RNF121: variants seen among roughly 807,000 people sequenced by gnomAD.
The protein encoded by RNF121 is ring finger protein 121.
In RNF121, 21 loss-of-function variants were observed where a neutral mutation model predicts 46.5. That is an observed-to-expected ratio of 0.45 (90% CI 0.32 to 0.65). RNF121 has a LOEUF of 0.65. RNF121 is among the 30% of genes least tolerant of loss of function. The pLI, the probability that RNF121 is intolerant of heterozygous loss-of-function variation, is 0.04. For synonymous variants in RNF121, 139 were observed against 144.7 expected, an observed-to-expected ratio of 0.96 and a Z score of 0.28; for missense variants, 346 against 416.0, an observed-to-expected ratio of 0.83 and a Z score of 1.46.
At chr11:71,981,874 A>G (rs1277402466) in intron 3 of RNF121, among the ~76,000 whole-genome samples, 2 of 152,242 alleles carry the variant, frequency 1.3e-5, no homozygotes, top group African/African-American at 2.4e-5. Flanking sequence ...ACATACAGGT[A>G]GAGAATGAAT....
At chr11:71,996,143 A>G (rs1254708949) in intron 8 of RNF121, 52 bp from the exon 9 acceptor site, 8 of 1,608,544 alleles carry the variant, frequency 5.0e-6, no homozygotes, top group Non-Finnish European at 5.9e-6. Flanking sequence ...CCCATGCTAG[A>G]TCACTCCTGG....
At chr11:71,940,637 T>A (rs1235603069) in intron 1 of RNF121, among the ~76,000 whole-genome samples, 1 of 152,222 alleles carries the variant, frequency 6.6e-6, no homozygotes, top group South Asian at 2.1e-4. Flanking sequence ...TCACCAATTA[T>A]TGAGTTCTGA....
intron 1 of RNF121, among the ~76,000 whole-genome samples, chr11:71,938,315 T>TA (rs1953472352): frequency 2.0e-4 from 1 of 4,920 alleles, no homozygotes; most frequent in African/African-American, 6.1e-4. Flanking sequence ...AGTCTCTTAA[T>TA]TTTTTTTTTT....
intron 1 of RNF121, among the ~76,000 whole-genome samples, chr11:71,956,196 A>ATGGT (rs1350063294): frequency 6.6e-6 from 1 of 152,168 alleles, no homozygotes; most frequent in African/African-American, 2.4e-5. Flanking sequence ...TACTAAAGGA[A>ATGGT]TGGTTGTTGA....
rs1954947172 is a variant in RNF121 at position 71,995,055 on chromosome 11, GA to G, written c.761+204del. 2.6e-5 allele frequency among the ~76,000 whole-genome samples: 4 copies of G among 152,224 alleles called. No individual in the cohort carries two copies. In the South Asian group the frequency reaches 8.3e-4, roughly 31 times the overall value. On this transcript the variant is annotated intron_variant, in intron 7 of 8. Coordinates refer to ENST00000361756, the MANE Select transcript of RNF121 (RefSeq NM_018320.5). ...CAGTGGTTACAACCTGGCTGGGTCT[GA>G]GAGGAACCTGAGGCTGCAGCTAGTG...
At chr11:71,995,126 A>G (rs1038403239) in intron 7 of RNF121, 11 of 564,800 alleles carry the variant, frequency 1.9e-5, no homozygotes, top group African/African-American at 1.7e-4. Context: ...ACAGGGGAAG[A>G]GGACCCTCTA....
At chr11:71,954,537 G>A (rs1306566612) in intron 1 of RNF121, among the ~76,000 whole-genome samples, 1 of 152,152 alleles carries the variant, frequency 6.6e-6, no homozygotes, top group East Asian at 1.9e-4. Context: ...CAGGAGGAAA[G>A]GCAGTGAAAT....
chr11:71,989,847 T>C (rs1459099525), intron 5 of RNF121, among the ~76,000 whole-genome samples: 1 of 152,216 alleles, frequency 6.6e-6, no homozygotes, highest in East Asian at 1.9e-4. Context: ...TATTTACTAA[T>C]TTTATCTTTT....
At chr11:71,982,651 TA>T in intron 3 of RNF121, 109 bp from the exon 4 acceptor site, 1 of 1,241,156 alleles carries the variant, frequency 8.1e-7, no homozygotes, top group Non-Finnish European at 1.1e-6. Context: ...TCCAAAGTTG[TA>T]AATACAGGAG....
intron 3 of RNF121, among the ~76,000 whole-genome samples, chr11:71,963,863 G>A (rs1436282901): frequency 1.1e-4 from 17 of 152,230 alleles, no homozygotes; most frequent in South Asian, 4.1e-4. Flanking sequence ...GTTTTATTCC[G>A]TTGATCTATA....
At chr11:71,929,284 C>T (rs1218462817) in intron 1 of RNF121, among the ~76,000 whole-genome samples, 160 bp downstream of exon 1, 2 of 151,244 alleles carry the variant, frequency 1.3e-5, no homozygotes, top group Non-Finnish European at 2.9e-5. Context: ...AGAGGCACTC[C>T]TGACTTGGGG....
intron 1 of RNF121, among the ~76,000 whole-genome samples, chr11:71,937,155 C>G (rs1013322491): frequency 3.3e-5 from 5 of 152,194 alleles, no homozygotes; most frequent in African/African-American, 1.2e-4. Flanking sequence ...GCGCCCTGTA[C>G]AGATTTCCGT....
chr11:71,943,542 T>A (rs1366057739), intron 1 of RNF121, among the ~76,000 whole-genome samples: 1 of 152,238 alleles, frequency 6.6e-6, no homozygotes, highest in Admixed American at 6.5e-5. Context: ...GTTTATTGAT[T>A]GGTCACATAC....
chr11:71,983,495 C>T (rs1262525513), intron 4 of RNF121, among the ~76,000 whole-genome samples: 41 of 152,230 alleles, frequency 2.7e-4, no homozygotes, highest in Admixed American at 2.7e-3. Context: ...ATACTTCCTT[C>T]TTGAGTCACA....
chr11:71,956,601 C>G (rs1288643200), intron 1 of RNF121, among the ~76,000 whole-genome samples: 1 of 152,198 alleles, frequency 6.6e-6, no homozygotes, highest in Non-Finnish European at 1.5e-5. Flanking sequence ...TCAGTTTGCC[C>G]AGGTCCAGTG....
At position 71,957,269 on chromosome 11, in the gene RNF121, G is replaced by C; in HGVS notation, c.101+5G>C. ...CTCTCCAGAAGAGCAATGGAGGTAA[G>C]TGTGGTAGTTCGGGCCCTGCAGTCT... On this transcript the variant is annotated splice_donor_5th_base_variant and intron_variant, in intron 2 of 8. Transcript: ENST00000361756. The C allele has an allele frequency of 6.3e-7, 1 of 1,588,680 alleles. No individual in the cohort carries two copies. The highest frequency in any genetic ancestry group is 8.6e-7 in the Non-Finnish European group (1 of 1,156,974).
At chr11:71,986,083 C>G (rs1209070519) in intron 4 of RNF121, among the ~76,000 whole-genome samples, 2 of 152,224 alleles carry the variant, frequency 1.3e-5, no homozygotes, top group Admixed American at 1.3e-4. Context: ...CAACCCCATT[C>G]TACTTCACCA....
chr11:71,986,785 A>AAAAAG (rs1954780537), intron 4 of RNF121, among the ~76,000 whole-genome samples: 1 of 151,568 alleles, frequency 6.6e-6, no homozygotes. Context: ...AAAAAAAAAA[A>AAAAAG]AAAAGAAAAA....
At chr11:71,983,038 G>A (rs1954696155) in intron 4 of RNF121, 123 bp downstream of exon 4, 3 of 924,000 alleles carry the variant, frequency 3.2e-6, no homozygotes, top group Non-Finnish European at 1.5e-6. Context: ...TATTTGGCAT[G>A]GGGCCTCTCT....
Sources: gnomAD v4.1 joint callset for allele counts (sites outside exome capture counted in the v4.1 genomes callset) on GRCh38, gnomAD v4.1.1 for gene constraint, MANE v1.5 for transcripts, NCBI Gene and HGNC (gene_info 2026-07-23, HGNC 2026-07-21) for gene names.